The following GRM8 variants were observed in gnomAD, a reference collection of about 807,000 sequenced individuals.
GRM8 encodes glutamate metabotropic receptor 8.
GRM8 carries 47 observed loss-of-function variants against 87.2 expected under a neutral mutation model. That is an observed-to-expected ratio of 0.54 (90% confidence interval 0.43 to 0.69). The LOEUF (loss-of-function observed/expected upper bound fraction) is 0.69, where lower values mean the gene tolerates loss of function less well. Among genes scored for constraint, GRM8 ranks in the 30% least tolerant of loss-of-function variants. GRM8 has a pLI of 0.00. For synonymous variants in GRM8, 396 were observed against 404.5 expected, an observed-to-expected ratio of 0.98 and a Z score of 0.25; for missense variants, 1,019 against 1,139.2, an observed-to-expected ratio of 0.89 and a Z score of 1.52.
chr7:127,139,182 A>G (rs1187383063), intron 2 of GRM8, among the ~76,000 whole-genome samples: 3 of 152,148 alleles, frequency 2.0e-5, no homozygotes, highest in Non-Finnish European at 4.4e-5. Flanking sequence ...GTGTTCTCAT[A>G]GTTTCATGAC....
chr7:127,047,360 T>C (rs1819031896), intron 3 of GRM8, among the ~76,000 whole-genome samples: 1 of 152,212 alleles, frequency 6.6e-6, no homozygotes, highest in Non-Finnish European at 1.5e-5. Context: ...ATTGAGGGGT[T>C]AGTGAATAAG....
intron 7 of GRM8, among the ~76,000 whole-genome samples, chr7:126,748,602 GTTT>G (rs35336284): frequency 0.012 from 1,371 of 118,762 alleles, 8 homozygotes; most frequent in African/African-American, 0.035. Context: ...AGCAGGTCGG[GTTT>G]TTTTTTTTTT....
intron 7 of GRM8, among the ~76,000 whole-genome samples, chr7:126,742,568 AT>A (rs1318315089): frequency 6.6e-6 from 1 of 151,874 alleles, no homozygotes; most frequent in Non-Finnish European, 1.5e-5. Flanking sequence ...CCAACTCACC[AT>A]TAATCAACCA....
At chr7:127,017,985 TC>T (rs1484011683) in intron 3 of GRM8, among the ~76,000 whole-genome samples, 17 of 152,202 alleles carry the variant, frequency 1.1e-4, no homozygotes, top group African/African-American at 4.1e-4. Context: ...ATCCACTTTA[TC>T]CTAGGCACCG....
At chr7:126,692,581 C>T (rs954739228) in intron 7 of GRM8, among the ~76,000 whole-genome samples, 2 of 152,172 alleles carry the variant, frequency 1.3e-5, no homozygotes, top group Non-Finnish European at 2.9e-5. Context: ...TGAATTCTTG[C>T]AGCAGCACAT....
chr7:126,958,533 C>A (rs1253900635), intron 3 of GRM8, among the ~76,000 whole-genome samples: 1 of 152,160 alleles, frequency 6.6e-6, no homozygotes, highest in East Asian at 1.9e-4. Context: ...CCTGGCTGTG[C>A]GCAGTGGCTG....
chr7:127,100,733 A>G (rs1414980983), intron 3 of GRM8, among the ~76,000 whole-genome samples: 2 of 152,158 alleles, frequency 1.3e-5, no homozygotes, highest in African/African-American at 4.8e-5. Context: ...TATGAGGGAA[A>G]CCACTCCCAT....
At chr7:126,781,917 T>C (rs1400418698) in intron 6 of GRM8, among the ~76,000 whole-genome samples, 1 of 152,086 alleles carries the variant, frequency 6.6e-6, no homozygotes, top group Non-Finnish European at 1.5e-5. Flanking sequence ...GGTCTCCTCA[T>C]ATTTCCCAGG....
chr7:126,777,274 G>A (rs1054529353), intron 6 of GRM8, among the ~76,000 whole-genome samples: 3 of 152,132 alleles, frequency 2.0e-5, no homozygotes, highest in African/African-American at 7.2e-5. Context: ...AAAATGGTAA[G>A]AGTACTTCAC....
chr7:127,088,560 T>C (rs1160516810), intron 3 of GRM8, among the ~76,000 whole-genome samples: 2 of 152,244 alleles, frequency 1.3e-5, no homozygotes, highest in Non-Finnish European at 2.9e-5. Context: ...TTAACATATG[T>C]TGATAGAGCT....
At chr7:127,090,597 C>T (rs1444831990) in intron 3 of GRM8, among the ~76,000 whole-genome samples, 1 of 152,198 alleles carries the variant, frequency 6.6e-6, no homozygotes, top group Non-Finnish European at 1.5e-5. Flanking sequence ...TCAAGTTTAG[C>T]AACCTGGGTG....
rs554317011 is a variant in GRM8, at chr7:126,858,683, C to T, written c.1156+43859G>A. ...TTCCACTGTTCTGTCTCCCTACTCCCGCCCTGCAAGAAAAGCAACGCTGAA... is the reference window on the plus strand; with the variant it reads ...TTCCACTGTTCTGTCTCCCTACTCCTGCCCTGCAAGAAAAGCAACGCTGAA... On this transcript the variant is annotated intron_variant, in intron 6 of 10. Coordinates refer to ENST00000339582, the MANE Select transcript of GRM8 (RefSeq NM_000845.3). Among the ~76,000 whole-genome samples, 7 of 152,258 alleles carry T rather than the reference C, an allele frequency of 4.6e-5. No homozygotes were observed. In the South Asian group the frequency reaches 6.2e-4, roughly 14 times the overall value.
At chr7:126,908,568 A>G (rs1398077421) in intron 3 of GRM8, among the ~76,000 whole-genome samples, 1 of 152,238 alleles carries the variant, frequency 6.6e-6, no homozygotes, top group Non-Finnish European at 1.5e-5. Context: ...GCCATAAAAA[A>G]TTAAGTTCTG....
At chr7:126,457,421 A>G (rs1290661300) in intron 9 of GRM8, among the ~76,000 whole-genome samples, 1 of 151,534 alleles carries the variant, frequency 6.6e-6, no homozygotes, top group African/African-American at 2.4e-5. Context: ...ATTAAATTGT[A>G]CAGAAAAAAA....
chr7:126,586,054 C>T (rs1562979693), intron 8 of GRM8, among the ~76,000 whole-genome samples: 1 of 151,980 alleles, frequency 6.6e-6, no homozygotes, highest in African/African-American at 2.4e-5. Flanking sequence ...AACAGAGAGC[C>T]AAATCATGAA....
chr7:126,796,372 T>C (rs1444522590), intron 6 of GRM8, among the ~76,000 whole-genome samples: 1 of 152,140 alleles, frequency 6.6e-6, no homozygotes, highest in Non-Finnish European at 1.5e-5. Flanking sequence ...TGATATCTAT[T>C]AGCATATAGC....
chr7:126,633,595 T>C lies in GRM8; in HGVS notation c.1358-24097A>G, dbSNP rs544258517. ...ATCGAAACAGTTTTCATGACACTGA[T>C]ATTCTTATATCATTTAATCTTAAAT... On this transcript the variant is annotated intron_variant, in intron 7 of 10. Coordinates refer to ENST00000339582, the MANE Select transcript of GRM8 (RefSeq NM_000845.3). 2.0e-5 allele frequency among the ~76,000 whole-genome samples: 3 copies of C among 152,288 alleles called. No individual in the cohort carries two copies. In the South Asian group the frequency reaches 6.2e-4, roughly 32 times the overall value.
chr7:127,131,749 T>G (rs1827701666), intron 2 of GRM8, among the ~76,000 whole-genome samples: 1 of 152,208 alleles, frequency 6.6e-6, no homozygotes, highest in South Asian at 2.1e-4. Context: ...ACTGAACCCA[T>G]CTACCATAAT....
chr7:127,172,482 A>G (rs1236555081), intron 2 of GRM8, among the ~76,000 whole-genome samples: 3 of 152,082 alleles, frequency 2.0e-5, no homozygotes, highest in Non-Finnish European at 1.5e-5. Flanking sequence ...AGGCAGGTGG[A>G]TCATTTGAGG....
Sources: gnomAD v4.1 joint callset for allele counts (sites outside exome capture counted in the v4.1 genomes callset) on GRCh38, gnomAD v4.1.1 for gene constraint, MANE v1.5 for transcripts, NCBI Gene and HGNC (gene_info 2026-07-23, HGNC 2026-07-21) for gene names.